Variants in DLGAP3 observed in about 807,000 individuals in gnomAD.
DLGAP3 encodes the protein DLG associated protein 3, also known as disks large-associated protein 3.
In DLGAP3, 17 loss-of-function variants were observed where a neutral mutation model predicts 81.2. The ratio of observed to expected loss-of-function variants is 0.21; its 90% confidence interval spans 0.14 to 0.31. The LOEUF is 0.31. Ranked by LOEUF, DLGAP3 falls within the 10% of genes least tolerant of loss-of-function variation. The probability of loss-of-function intolerance (pLI) is 1.00; values close to 1 mark genes in which losing one functional copy is unlikely to be tolerated. For synonymous variants in DLGAP3, 577 were observed against 587.4 expected, an observed-to-expected ratio of 0.98 and a Z score of 0.26; for missense variants, 1,124 against 1,388.0, an observed-to-expected ratio of 0.81 and a Z score of 3.02.
chr1:34,916,172 GGAAGGCGATGACTCCCTGCAGCTGGACCA>G (rs1639713287), intron 1 of DLGAP3, among the ~76,000 whole-genome samples: 1 of 152,174 alleles, frequency 6.6e-6, no homozygotes, highest in Non-Finnish European at 1.5e-5. Context: ...GGGGAGAAAA[GGAAGGCGATGACTCCCTGCAGCTGGACCA>G]GAACTCCCCA....
chr1:34,872,037 G>C (rs1638988670), intron 8 of DLGAP3, among the ~76,000 whole-genome samples: 1 of 152,156 alleles, frequency 6.6e-6, no homozygotes, highest in Admixed American at 6.5e-5. Context: ...AGCAGTGTGG[G>C]ACAAGCTCAC....
intron 5 of DLGAP3, among the ~76,000 whole-genome samples, chr1:34,896,616 C>CACACAAAA (rs1491373889): frequency 2.5e-4 from 38 of 149,532 alleles, no homozygotes; most frequent in African/African-American, 9.2e-4. Flanking sequence ...CACACACACA[C>CACACAAAA]AAAATCAAAC....
Position 34,868,834 on chromosome 1 carries a change from G to C in DLGAP3, c.2256C>G (p.Thr752=), listed in dbSNP as rs762566448. The C allele has an allele frequency of 1.3e-6, 2 of 1,581,410 alleles. No homozygotes were observed. Among genetic ancestry groups the C allele is most frequent in the Non-Finnish European group, 8.6e-7 (1 of 1,169,160 alleles). The change falls in exon 9 of 12, where the codon ACC becomes ACG. Residue 752 remains threonine (T), a synonymous_variant. Coordinates refer to ENST00000373347, the MANE Select transcript of DLGAP3 (RefSeq NM_001080418.3). The surrounding 1 kb of genome is among the most constrained non-coding windows in gnomAD (Gnocchi z 7.5). ...GYPLPYEPPA[T]DGSPGPAPAP... ...CGGGGGCAGGGCCGGGCGACCCATC[G>C]GTGGCCGGCGGCTCGTACGGCAGTG...
At position 34,900,522 on chromosome 1, in the gene DLGAP3, C is replaced by T. The variant is rs1341523874; in HGVS notation, c.1108-249G>A. ...TAGAGAGTCTGAGGGAGTGACATGGCAGGCGTCAAGCGGTTGATGATCAGA... is the reference window on the plus strand; with the variant it reads ...TAGAGAGTCTGAGGGAGTGACATGGTAGGCGTCAAGCGGTTGATGATCAGA... On this transcript the variant is annotated intron_variant, in intron 3 of 11. Transcript: ENST00000373347. The surrounding 1 kb of genome is among the most constrained non-coding windows in gnomAD (Gnocchi z 5.6). Among the ~76,000 whole-genome samples the T allele has an allele frequency of 3.3e-5, 5 of 152,224 alleles. No individual in the cohort carries two copies. The highest frequency in any genetic ancestry group is 3.3e-4 in the Admixed American group (5 of 15,288).
chr1:34,867,697 C>A lies in DLGAP3; in HGVS notation c.2486-70G>T. The A allele has an allele frequency of 7.9e-7, 1 of 1,264,066 alleles. No individual in the cohort carries two copies. The highest frequency in any genetic ancestry group is 1.2e-6 in the Non-Finnish European group (1 of 866,906). The allele number at this position is 1,264,066 out of a possible 1,614,324, so 78.3% of individuals were successfully genotyped here. Reference sequence around the variant, plus strand: ...TTCCCCAGCCTCCACGAAGTCTGCCCTGAATGACGCTGACCCCTCGGTTGC... The same window carrying A: ...TTCCCCAGCCTCCACGAAGTCTGCCATGAATGACGCTGACCCCTCGGTTGC... On this transcript the variant is annotated intron_variant, in intron 9 of 11. Transcript: ENST00000373347. The surrounding 1 kb of genome is among the most constrained non-coding windows in gnomAD (Gnocchi z 4.3).
rs1639197305 is a variant in DLGAP3 at position 34,885,078 on chromosome 1, G to A, written c.1915-15C>T. On this transcript the variant is annotated splice_polypyrimidine_tract_variant and intron_variant, in intron 7 of 11. Coordinates refer to ENST00000373347, the MANE Select transcript of DLGAP3 (RefSeq NM_001080418.3). The stretch of plus-strand genomic sequence containing the variant: ...ATCGTCTCCACCTGGTGGCAGGGTG[G>A]AGGAGTCAGTGGCTGTGGCGAGCCA... 1.9e-6 allele frequency: 3 copies of A among 1,610,678 alleles called. No homozygotes were observed. Among genetic ancestry groups the A allele is most frequent in the Non-Finnish European group, 2.5e-6 (3 of 1,177,860 alleles).
intron 1 of DLGAP3, among the ~76,000 whole-genome samples, chr1:34,918,371 G>C (rs964459755): frequency 1.3e-5 from 2 of 152,190 alleles, no homozygotes; most frequent in Admixed American, 1.3e-4. Flanking sequence ...AGACAAGGGG[G>C]TCTGCTCAAT....
intron 1 of DLGAP3, among the ~76,000 whole-genome samples, chr1:34,928,756 C>T (rs796403070): frequency 7.2e-5 from 11 of 152,094 alleles, no homozygotes; most frequent in African/African-American, 2.4e-4. Context: ...CACAGTCACA[C>T]AGGGCAGATA....
chr1:34,901,397 C>G (rs968590046), intron 3 of DLGAP3, among the ~76,000 whole-genome samples: 1 of 152,098 alleles, frequency 6.6e-6, no homozygotes, highest in Non-Finnish European at 1.5e-5. Flanking sequence ...TAAAAGGAGT[C>G]GATTATGTCA....
intron 8 of DLGAP3, among the ~76,000 whole-genome samples, chr1:34,875,166 A>C (rs766909975): frequency 2.0e-5 from 3 of 152,158 alleles, no homozygotes; most frequent in Non-Finnish European, 2.9e-5. Context: ...ATGGGTATGG[A>C]AGCTTCTTTC....
rs1638865324 is a variant in DLGAP3 at position 34,865,868 on chromosome 1, G to A, written c.*215C>T. 1.5e-6 allele frequency: 1 copy of A among 661,080 alleles called. No individual in the cohort carries two copies. Among genetic ancestry groups the A allele is most frequent in the East Asian group, 2.9e-5 (1 of 34,498 alleles). The allele number at this position is 661,080 out of a possible 1,614,324, so 41.0% of individuals were successfully genotyped here. A position where few individuals can be genotyped will look rare whatever the true frequency, so the allele number is the denominator to read the frequency against. ...AGGGGATCCAGGTGAGGGGCGCAGG[G>A]CGGAGAGGCACGGCCCCCTGCCCAG... On this transcript the variant is annotated 3_prime_UTR_variant, in exon 12 of 12. Coordinates refer to ENST00000373347, the MANE Select transcript of DLGAP3 (RefSeq NM_001080418.3).
At position 34,902,328 on chromosome 1, in the gene DLGAP3, G is replaced by A. The variant is rs948476381; in HGVS notation, c.1107+1949C>T. Reference sequence around the variant, plus strand: ...GTCCCTTGAAGGAACCCACGGGCAGGAGCAGGGCTCTTCAAGGGGCTAGGG... The same window carrying A: ...GTCCCTTGAAGGAACCCACGGGCAGAAGCAGGGCTCTTCAAGGGGCTAGGG... On this transcript the variant is annotated intron_variant, in intron 3 of 11. Transcript: ENST00000373347. The surrounding 1 kb of genome is among the most constrained non-coding windows in gnomAD (Gnocchi z 4.4). Among the ~76,000 whole-genome samples the A allele has an allele frequency of 1.3e-5, 2 of 152,136 alleles. No individual in the cohort carries two copies. Among genetic ancestry groups the A allele is most frequent in the African/African-American group, 2.4e-5 (1 of 41,436 alleles).
At chr1:34,869,895 G>A (rs1181449912) in intron 8 of DLGAP3, among the ~76,000 whole-genome samples, 1 of 152,194 alleles carries the variant, frequency 6.6e-6, no homozygotes, top group Non-Finnish European at 1.5e-5. Context: ...CAAAGTAGCA[G>A]AGCCAGGATT....
Position 34,902,328 on chromosome 1 carries a change from G to C in DLGAP3, c.1107+1949C>G, listed in dbSNP as rs948476381. ...GTCCCTTGAAGGAACCCACGGGCAG[G>C]AGCAGGGCTCTTCAAGGGGCTAGGG... is the stretch of plus-strand genomic sequence containing the variant. On this transcript the variant is annotated intron_variant, in intron 3 of 11. Coordinates refer to ENST00000373347, the MANE Select transcript of DLGAP3 (RefSeq NM_001080418.3). The surrounding 1 kb of genome is among the most constrained non-coding windows in gnomAD (Gnocchi z 4.4). Among the ~76,000 whole-genome samples the C allele has an allele frequency of 2.0e-5, 3 of 152,136 alleles. No individual in the cohort carries two copies. Among genetic ancestry groups the C allele is most frequent in the East Asian group, 3.9e-4 (2 of 5,190 alleles).
At chr1:34,899,537 G>A (rs914992829) in intron 5 of DLGAP3, 132 bp downstream of exon 5, 3 of 842,304 alleles carry the variant, frequency 3.6e-6, no homozygotes, top group South Asian at 2.7e-5. Flanking sequence ...CCTAAGGCAG[G>A]TTTCCCAGTT....
chr1:34,887,504 A>G (rs1006195083), intron 5 of DLGAP3, among the ~76,000 whole-genome samples: 2 of 152,226 alleles, frequency 1.3e-5, no homozygotes, highest in African/African-American at 4.8e-5. Context: ...AATATACCAC[A>G]GAGGTTGCAG....
chr1:34,896,119 G>C (rs1237666838), intron 5 of DLGAP3, among the ~76,000 whole-genome samples: 1 of 152,030 alleles, frequency 6.6e-6, no homozygotes, highest in Non-Finnish European at 1.5e-5. Context: ...GCATCATCAA[G>C]TTTAAAATGT....
chr1:34,919,301 G>T (rs1377324319), intron 1 of DLGAP3, among the ~76,000 whole-genome samples: 1 of 152,188 alleles, frequency 6.6e-6, no homozygotes, highest in Non-Finnish European at 1.5e-5. Context: ...CCCTGGAGTG[G>T]CATGGGGTGG....
chr1:34,899,185 C>T (rs1281926926), intron 5 of DLGAP3, among the ~76,000 whole-genome samples: 1 of 151,950 alleles, frequency 6.6e-6, no homozygotes, highest in Non-Finnish European at 1.5e-5. Context: ...TCTCCTGCCT[C>T]AGCCTCCCGA....
Sources: allele counts gnomAD v4.1 joint callset (sites outside exome capture counted in the v4.1 genomes callset), GRCh38; gene constraint gnomAD v4.1.1; non-coding constraint Gnocchi (gnomAD v3.1); transcripts MANE v1.5; gene names NCBI Gene and HGNC (gene_info 2026-07-23, HGNC 2026-07-21).